The following SLC47A1 variants were observed in gnomAD, a reference collection of about 807,000 sequenced individuals.
SLC47A1 encodes the protein multidrug and toxin extrusion protein 1.
Under a neutral mutation model 65.8 loss-of-function variants are expected in SLC47A1, and 58 were observed. The ratio of observed to expected loss-of-function variants is 0.88; its 90% CI spans 0.71 to 1.10. SLC47A1 has a LOEUF of 1.10. Ranked by LOEUF, SLC47A1 falls within the 50% of genes least tolerant of loss-of-function variation. The probability of loss-of-function intolerance (pLI) is 0.00; values close to 1 mark genes in which losing one functional copy is unlikely to be tolerated. For synonymous variants in SLC47A1, 285 were observed against 295.0 expected (o/e 0.97, Z 0.35); for missense variants, 706 against 719.2 (o/e 0.98, Z 0.21).
At chr17:19,564,807 G>A (rs1054005269) in intron 12 of SLC47A1, among the ~76,000 whole-genome samples, 5 of 151,972 alleles carry the variant, frequency 3.3e-5, no homozygotes, top group African/African-American at 1.2e-4. Flanking sequence ...CGCAATCTCC[G>A]CCTCCTGGTT....
At chr17:19,541,743 G>C (rs1916154807) in intron 1 of SLC47A1, among the ~76,000 whole-genome samples, 1 of 152,128 alleles carries the variant, frequency 6.6e-6, no homozygotes, top group South Asian at 2.1e-4. Flanking sequence ...TAGGAATCTT[G>C]GATAACAAGG....
intron 12 of SLC47A1, among the ~76,000 whole-genome samples, chr17:19,561,334 T>C (rs963119763): frequency 8.8e-4 from 134 of 152,100 alleles, no homozygotes; most frequent in African/African-American, 3.1e-3. Flanking sequence ...AGCAGGGATG[T>C]CTGACTCATT....
chr17:19,555,161 G>C, intron 6 of SLC47A1, 51 bp from the exon 7 acceptor site: 2 of 1,539,482 alleles, frequency 1.3e-6, no homozygotes, highest in South Asian at 1.1e-5. Flanking sequence ...TAGCAGAAAG[G>C]CAGTCCTATT....
intron 16 of SLC47A1, among the ~76,000 whole-genome samples, chr17:19,573,555 C>T (rs1031001316): frequency 2.6e-5 from 4 of 150,994 alleles, no homozygotes; most frequent in Non-Finnish European, 5.9e-5. Flanking sequence ...GAAAGAGGGT[C>T]TTGCCCTGTT....
intron 10 of SLC47A1, chr17:19,557,290 C>A: frequency 6.0e-6 from 1 of 166,568 alleles, no homozygotes. Context: ...TTTTTCTATC[C>A]TTGGCAGAGT....
intron 2 of SLC47A1, among the ~76,000 whole-genome samples, chr17:19,543,860 T>G (rs1016559700): frequency 6.6e-6 from 1 of 152,212 alleles, no homozygotes; most frequent in East Asian, 1.9e-4. Context: ...TCGCCAGGCA[T>G]TTGAGTTTGC....
intron 16 of SLC47A1, 108 bp from the exon 17 acceptor site, chr17:19,577,219 G>C (rs913060095): frequency 2.1e-6 from 3 of 1,442,876 alleles, no homozygotes; most frequent in East Asian, 4.7e-5. Flanking sequence ...ATAGTGTCCT[G>C]AATTAACTTT....
At chr17:19,575,216 A>T (rs2440160) in intron 16 of SLC47A1, among the ~76,000 whole-genome samples, 22,407 of 151,450 alleles carry the variant, frequency 0.15, 2,025 homozygotes, top group East Asian at 0.31. Flanking sequence ...GATTAGAGGC[A>T]TGAGCCACTG....
chr17:19,565,460 G>C (rs1269637777), intron 12 of SLC47A1, among the ~76,000 whole-genome samples: 2 of 151,848 alleles, frequency 1.3e-5, no homozygotes, highest in African/African-American at 2.4e-5. Flanking sequence ...GGGGAGGGAT[G>C]TCACCAAATC....
At chr17:19,543,335 C>T (rs907448108) in intron 2 of SLC47A1, among the ~76,000 whole-genome samples, 2 of 151,974 alleles carry the variant, frequency 1.3e-5, no homozygotes, top group African/African-American at 4.8e-5. Context: ...GTCTTGAACT[C>T]TTGACCTCAG....
intron 12 of SLC47A1, among the ~76,000 whole-genome samples, chr17:19,561,415 G>A (rs907068808): frequency 6.6e-6 from 1 of 151,954 alleles, no homozygotes; most frequent in Non-Finnish European, 1.5e-5. Context: ...AGGTTGAGGC[G>A]GGTGGATCAC....
rs2084451196 is a variant in SLC47A1 at position 19,577,586 on chromosome 17, C to A, written c.*33C>A. ...GGAAAGAAAGTCAGGTCAAGTGATG[C>A]TTTTGAGCTTACACACAATTCACAG... On this transcript the variant is annotated 3_prime_UTR_variant, in exon 17 of 17. Coordinates refer to ENST00000270570, the MANE Select transcript of SLC47A1 (RefSeq NM_018242.3). 6.2e-7 allele frequency: 1 copy of A among 1,612,026 alleles called. No individual in the cohort carries two copies. The highest frequency in any genetic ancestry group is 8.5e-7 in the Non-Finnish European group (1 of 1,179,020).
chr17:19,555,242 G>A lies in SLC47A1; in HGVS notation c.574G>A (p.Val192Ile), dbSNP rs758578303. 1 of 1,614,240 alleles carries A rather than the reference G, an allele frequency of 6.2e-7. No homozygotes were observed. The highest frequency in any genetic ancestry group is 1.1e-5 in the South Asian group (1 of 91,086). ...GIVLPQIVTG[V>I]AANLVNALAN... ...TGTACTGCCCCAGATCGTAACTGGA[G>A]TTGCAGCCAACCTTGTCAATGCCCT... Residue 192 changes from valine to isoleucine, a missense_variant, in exon 7 of 17, where the codon GTT becomes ATT. By Grantham distance (29) the Val-to-Ile change is conservative. Coordinates refer to ENST00000270570, the MANE Select transcript of SLC47A1 (RefSeq NM_018242.3).
chr17:19,574,711 T>C (rs2084425292), intron 16 of SLC47A1, among the ~76,000 whole-genome samples: 1 of 150,934 alleles, frequency 6.6e-6, no homozygotes, highest in African/African-American at 2.4e-5. Context: ...CTGCAACCTC[T>C]ATCTCCCAGG....
At chr17:19,538,000 A>C (rs186202037) in intron 1 of SLC47A1, among the ~76,000 whole-genome samples, 1 of 152,274 alleles carries the variant, frequency 6.6e-6, no homozygotes, top group Admixed American at 6.5e-5. Flanking sequence ...CATCATGCAA[A>C]TGTCTTGAGC....
intron 2 of SLC47A1, among the ~76,000 whole-genome samples, chr17:19,544,063 C>T (rs532275553): frequency 1.3e-5 from 2 of 152,328 alleles, no homozygotes; most frequent in South Asian, 2.1e-4. Flanking sequence ...TCAAATGATT[C>T]TCCAGCCTCA....
chr17:19,574,905 G>C (rs2084427600), intron 16 of SLC47A1, among the ~76,000 whole-genome samples: 1 of 152,126 alleles, frequency 6.6e-6, no homozygotes, highest in Admixed American at 6.5e-5. Flanking sequence ...CAAAGTACTG[G>C]GATTACAGGC....
Position 19,578,363 on chromosome 17 carries a change from G to T in SLC47A1, c.*810G>T. 1 of 186,912 alleles carries T rather than the reference G, an allele frequency of 5.4e-6. No homozygotes were observed. The allele number at this position is 186,912 out of a possible 1,614,324, so 11.6% of individuals were successfully genotyped here. A position where few individuals can be genotyped will look rare whatever the true frequency, so the allele number is the denominator to read the frequency against. ...TGAGACCACAGGCGTGTGCCACCAC[G>T]CCTAGCTAATTTTTTATACCAGGGT... is the stretch of plus-strand genomic sequence containing the variant. On this transcript the variant is annotated 3_prime_UTR_variant, in exon 17 of 17. Coordinates refer to ENST00000270570, the MANE Select transcript of SLC47A1 (RefSeq NM_018242.3).
rs564950233 is a variant in SLC47A1, at chr17:19,561,445, C to T, written c.1106+952C>T. ...GATCACAAGGTCAGGAGATCAAGACCATCCTGGCTAACACGGTGAAACCCC... is the reference window on the plus strand; with the variant it reads ...GATCACAAGGTCAGGAGATCAAGACTATCCTGGCTAACACGGTGAAACCCC... On this transcript the variant is annotated intron_variant, in intron 12 of 16. Coordinates refer to ENST00000270570, the MANE Select transcript of SLC47A1 (RefSeq NM_018242.3). 5.9e-5 allele frequency among the ~76,000 whole-genome samples: 9 copies of T among 151,914 alleles called. No individual in the cohort carries two copies. In the East Asian group the frequency reaches 1.7e-3, roughly 29 times the overall value.
Sources: allele counts gnomAD v4.1 joint callset (sites outside exome capture counted in the v4.1 genomes callset), GRCh38; gene constraint gnomAD v4.1.1; transcripts MANE v1.5; gene names NCBI Gene and HGNC (gene_info 2026-07-23, HGNC 2026-07-21).